Variants in UBP1 observed in about 807,000 individuals in gnomAD.
UBP1 encodes the protein upstream-binding protein 1.
A neutral mutation model predicts 76.1 loss-of-function variants in UBP1; 22 were observed. The observed-to-expected ratio is 0.29, with a 90% CI of 0.21 to 0.41. UBP1 has a LOEUF of 0.41. UBP1 is among the 10% of genes least tolerant of loss of function. The probability of loss-of-function intolerance (pLI) is 1.00; values close to 1 mark genes in which losing one functional copy is unlikely to be tolerated. For missense variants in UBP1, 436 were observed against 668.1 expected, an observed-to-expected ratio of 0.65 and a Z score of 3.83; for synonymous variants, 224 against 237.1, an observed-to-expected ratio of 0.94 and a Z score of 0.51.
intron 13 of UBP1, among the ~76,000 whole-genome samples, chr3:33,393,745 T>G (rs2043859568): frequency 6.6e-6 from 1 of 152,176 alleles, no homozygotes; most frequent in South Asian, 2.1e-4. Flanking sequence ...CTTCATATTT[T>G]TATTCAATGA....
chr3:33,431,647 G>A (rs1482005693), intron 1 of UBP1, among the ~76,000 whole-genome samples: 1 of 152,034 alleles, frequency 6.6e-6, no homozygotes, highest in Non-Finnish European at 1.5e-5. Flanking sequence ...GGCTGAAGCA[G>A]GAGAATTGCT....
chr3:33,432,069 T>A (rs1220610580), intron 1 of UBP1, among the ~76,000 whole-genome samples: 3 of 152,172 alleles, frequency 2.0e-5, no homozygotes, highest in African/African-American at 7.2e-5. Flanking sequence ...GGCTCACACC[T>A]GTAATCTCAA....
At chr3:33,428,899 T>A (rs1429944917) in intron 1 of UBP1, among the ~76,000 whole-genome samples, 1 of 151,414 alleles carries the variant, frequency 6.6e-6, no homozygotes, top group East Asian at 1.9e-4. Flanking sequence ...CCCGGCCTCC[T>A]GATTCTACTC....
At chr3:33,402,929 T>C (rs1313038546) in intron 8 of UBP1, 25 bp from the exon 9 acceptor site, 1 of 1,550,140 alleles carries the variant, frequency 6.5e-7, no homozygotes, top group Non-Finnish European at 8.8e-7. Flanking sequence ...AGAAATAAAT[T>C]AGTGATATGC....
intron 5 of UBP1, 152 bp downstream of exon 5, chr3:33,411,429 T>C: frequency 1.6e-6 from 1 of 615,566 alleles, no homozygotes. Flanking sequence ...AGGGTGAACT[T>C]ACTAGATTAA....
intron 3 of UBP1, among the ~76,000 whole-genome samples, chr3:33,413,402 C>G (rs112568155): frequency 1.8e-4 from 28 of 151,798 alleles, no homozygotes; most frequent in Non-Finnish European, 3.8e-4. Flanking sequence ...AAAAAATTAG[C>G]CAGGCATGGT....
chr3:33,423,000 G>C (rs999139632), intron 2 of UBP1, among the ~76,000 whole-genome samples: 1 of 151,020 alleles, frequency 6.6e-6, no homozygotes, highest in African/African-American at 2.4e-5. Context: ...TTTTAAAAGG[G>C]TACATAAAAG....
intron 13 of UBP1, among the ~76,000 whole-genome samples, chr3:33,394,943 T>C (rs776073525): frequency 6.6e-6 from 1 of 151,878 alleles, no homozygotes; most frequent in Non-Finnish European, 1.5e-5. Context: ...ATGTATGATC[T>C]AAAGAGATGG....
chr3:33,422,965 G>A (rs995959937), intron 2 of UBP1, among the ~76,000 whole-genome samples: 3 of 151,866 alleles, frequency 2.0e-5, no homozygotes, highest in African/African-American at 7.3e-5. Context: ...ACTCATATAG[G>A]TATTATTTTG....
At chr3:33,430,258 A>C (rs941866969) in intron 1 of UBP1, among the ~76,000 whole-genome samples, 3 of 152,248 alleles carry the variant, frequency 2.0e-5, no homozygotes, top group Non-Finnish European at 4.4e-5. Flanking sequence ...GCAAAGCTGT[A>C]CTGTAGTTTT....
chr3:33,392,754 G>A (rs74604795), intron 14 of UBP1, 140 bp from the exon 15 acceptor site: 12,375 of 745,288 alleles, frequency 0.017, 166 homozygotes, highest in Middle Eastern at 0.064. Context: ...GCAGTGTGAG[G>A]CAGCAAAGAT....
chr3:33,431,871 T>C (rs2045120110), intron 1 of UBP1, among the ~76,000 whole-genome samples: 1 of 150,376 alleles, frequency 6.6e-6, no homozygotes, highest in African/African-American at 2.5e-5. Context: ...TCTAGATGAG[T>C]AGGGGAGGAA....
intron 2 of UBP1, 119 bp downstream of exon 2, chr3:33,425,471 A>C: frequency 8.9e-7 from 1 of 1,119,574 alleles, no homozygotes. Flanking sequence ...TTAAGTTGTA[A>C]AATTTAAGAA....
At chr3:33,427,060 T>C (rs1032456444) in intron 1 of UBP1, among the ~76,000 whole-genome samples, 2 of 152,234 alleles carry the variant, frequency 1.3e-5, no homozygotes, top group African/African-American at 2.4e-5. Context: ...CTCTGACTCC[T>C]GGGCTCAAGT....
intron 3 of UBP1, among the ~76,000 whole-genome samples, chr3:33,415,233 T>A (rs943083348): frequency 6.6e-6 from 1 of 152,216 alleles, no homozygotes; most frequent in Non-Finnish European, 1.5e-5. Flanking sequence ...GAAAGCCAGC[T>A]TGTCTCCACT....
chr3:33,404,224 A>AACATGGTGAC (rs1198917033), intron 8 of UBP1, among the ~76,000 whole-genome samples: 1 of 152,184 alleles, frequency 6.6e-6, no homozygotes, highest in African/African-American at 2.4e-5. Context: ...CATCCTGGCT[A>AACATGGTGAC]ACATGGTGAC....
At chr3:33,427,848 G>A (rs1324985710) in intron 1 of UBP1, among the ~76,000 whole-genome samples, 1 of 152,190 alleles carries the variant, frequency 6.6e-6, no homozygotes, top group Non-Finnish European at 1.5e-5. Context: ...TTGACCTAGG[G>A]ATTTTGCCCC....
chr3:33,418,129 A>T (rs1019409782), intron 2 of UBP1, among the ~76,000 whole-genome samples: 1 of 152,230 alleles, frequency 6.6e-6, no homozygotes, highest in Non-Finnish European at 1.5e-5. Flanking sequence ...CAAAATGAAG[A>T]ATATAAAGTT....
At chr3:33,425,558 T>G in intron 2 of UBP1, 32 bp downstream of exon 2, 1 of 1,483,954 alleles carries the variant, frequency 6.7e-7, no homozygotes, top group Non-Finnish European at 9.1e-7. Context: ...CTGTAAATTC[T>G]TACATGTCAA....
Sources: allele counts gnomAD v4.1 joint callset (sites outside exome capture counted in the v4.1 genomes callset), GRCh38; gene constraint gnomAD v4.1.1; transcripts MANE v1.5; gene names NCBI Gene and HGNC (gene_info 2026-07-23, HGNC 2026-07-21).